Variants in RHOBTB1 observed in about 807,000 individuals in gnomAD.
RHOBTB1 encodes Rho related BTB domain containing 1, also known as rho-related BTB domain-containing protein 1.
In RHOBTB1, 40 loss-of-function variants were observed where a neutral mutation model predicts 71.6. The ratio of observed to expected loss-of-function variants is 0.56; its 90% confidence interval spans 0.43 to 0.73. RHOBTB1 has a LOEUF of 0.73. Among genes scored for constraint, RHOBTB1 ranks in the 30% least tolerant of loss-of-function variants. RHOBTB1 has a pLI of 0.00. For synonymous variants in RHOBTB1, 319 were observed against 334.9 expected, an observed-to-expected ratio of 0.95 and a Z score of 0.52; for missense variants, 797 against 894.0, an observed-to-expected ratio of 0.89 and a Z score of 1.38.
chr10:60,944,757 T>C (rs897440071), upstream of RHOBTB1, among the ~76,000 whole-genome samples: 1 of 152,206 alleles, frequency 6.6e-6, no homozygotes, highest in African/African-American at 2.4e-5. Context: ...GACTAAGGGC[T>C]GCATTAGCCC....
chr10:60,975,268 T>C (rs1265813505), intron 2 of RHOBTB1, among the ~76,000 whole-genome samples: 1 of 152,050 alleles, frequency 6.6e-6, no homozygotes, highest in Non-Finnish European at 1.5e-5. Context: ...CTGGTGTTTT[T>C]AGGCCATGAC....
intron 7 of RHOBTB1, among the ~76,000 whole-genome samples, chr10:60,884,890 G>A (rs903748152): frequency 6.6e-6 from 1 of 152,098 alleles, no homozygotes; most frequent in African/African-American, 2.4e-5. Context: ...TCACTTAGAT[G>A]GGAGGAATAA....
intron 2 of RHOBTB1, among the ~76,000 whole-genome samples, chr10:60,914,292 A>T (rs1396551101): frequency 6.6e-6 from 1 of 152,090 alleles, no homozygotes; most frequent in African/African-American, 2.4e-5. Context: ...TCAATTCCAG[A>T]ATAAAAATAG....
intron 7 of RHOBTB1, among the ~76,000 whole-genome samples, chr10:60,885,345 C>T (rs1397930711): frequency 2.6e-5 from 4 of 152,154 alleles, no homozygotes; most frequent in Non-Finnish European, 5.9e-5. Context: ...GACAAAGACA[C>T]AGGGTATCCA....
chr10:60,986,404 G>GATATATATATATGTATAT (rs2086661461), intron 1 of RHOBTB1, among the ~76,000 whole-genome samples: 1 of 67,636 alleles, frequency 1.5e-5, no homozygotes, highest in African/African-American at 4.0e-5. Flanking sequence ...ATAAATAAAA[G>GATATATATATATGTATAT]ATATATATAT....
At chr10:60,912,559 C>T (rs2083049060) in intron 2 of RHOBTB1, among the ~76,000 whole-genome samples, 1 of 152,050 alleles carries the variant, frequency 6.6e-6, no homozygotes, top group African/African-American at 2.4e-5. Flanking sequence ...TGAGGGCCCA[C>T]AATAAAGCAA....
the RHOBTB1 span, among the ~76,000 whole-genome samples, chr10:60,863,778 C>T: frequency 6.6e-6 from 1 of 152,130 alleles, no homozygotes; most frequent in South Asian, 2.1e-4. Context: ...AGTGATCCGC[C>T]CACCTCGGCC....
At chr10:60,939,653 A>G (rs2084794466) in intron 2 of RHOBTB1, among the ~76,000 whole-genome samples, 1 of 152,144 alleles carries the variant, frequency 6.6e-6, no homozygotes, top group Non-Finnish European at 1.5e-5. Flanking sequence ...ACCACATTCA[A>G]ATCACCTATG....
Position 60,889,202 on chromosome 10 carries a change from T to C in RHOBTB1, c.483-17A>G, listed in dbSNP as rs1451294698. The C allele has an allele frequency of 6.3e-7, 1 of 1,577,000 alleles. No homozygotes were observed. The highest frequency in any genetic ancestry group is 8.6e-7 in the Non-Finnish European group (1 of 1,166,090). ...TTTATGGGCCTGAAATAGAACATTT[T>C]AAAAATTATAATCAGCCTTGTTTTA... On this transcript the variant is annotated splice_polypyrimidine_tract_variant and intron_variant, in intron 5 of 10. Transcript: ENST00000337910.
chr10:60,972,981 G>A (rs1001789485), intron 2 of RHOBTB1, among the ~76,000 whole-genome samples: 19 of 151,910 alleles, frequency 1.3e-4, no homozygotes, highest in African/African-American at 4.6e-4. Context: ...GAAAAAATGG[G>A]GTTCATGAAT....
chr10:60,907,671 G>T (rs1451368279), intron 4 of RHOBTB1, among the ~76,000 whole-genome samples: 2 of 152,282 alleles, frequency 1.3e-5, no homozygotes, highest in East Asian at 3.9e-4. Context: ...ATAGATGGAT[G>T]ATTTCCCTTC....
At chr10:60,861,513 G>A in the RHOBTB1 span, among the ~76,000 whole-genome samples, 1 of 152,210 alleles carries the variant, frequency 6.6e-6, no homozygotes, top group East Asian at 1.9e-4. Context: ...GATTTCAATG[G>A]AATCTACCTC....
chr10:60,973,177 C>T (rs2086216693), intron 2 of RHOBTB1, among the ~76,000 whole-genome samples: 1 of 151,892 alleles, frequency 6.6e-6, no homozygotes, highest in Admixed American at 6.6e-5. Context: ...AAAATTACTT[C>T]TGAGAAAACA....
At chr10:60,961,299 T>C (rs138680245) in intron 2 of RHOBTB1, among the ~76,000 whole-genome samples, 2 of 152,148 alleles carry the variant, frequency 1.3e-5, no homozygotes, top group African/African-American at 4.8e-5. Context: ...TGGACACATC[T>C]GGATTAGAAC....
intron 2 of RHOBTB1, among the ~76,000 whole-genome samples, chr10:60,958,339 A>G (rs1363676533): frequency 2.6e-5 from 4 of 152,212 alleles, no homozygotes; most frequent in Non-Finnish European, 5.9e-5. Context: ...CTTCTGAGCC[A>G]ACCGTCTTGC....
intron 2 of RHOBTB1, among the ~76,000 whole-genome samples, chr10:60,932,937 G>T (rs2084345164): frequency 6.6e-6 from 1 of 152,218 alleles, no homozygotes; most frequent in African/African-American, 2.4e-5. Flanking sequence ...TTCTGAAGCA[G>T]CAGCGTGACC....
At chr10:60,939,786 A>C (rs970666825) in intron 2 of RHOBTB1, among the ~76,000 whole-genome samples, 3 of 152,196 alleles carry the variant, frequency 2.0e-5, no homozygotes, top group Admixed American at 2.0e-4. Context: ...CAGAATTTCA[A>C]ATGTTTCCAG....
At chr10:60,962,843 C>G (rs2085830377) in intron 2 of RHOBTB1, among the ~76,000 whole-genome samples, 1 of 152,162 alleles carries the variant, frequency 6.6e-6, no homozygotes, top group African/African-American at 2.4e-5. Flanking sequence ...AACCTGTACA[C>G]TGACAATACT....
chr10:60,944,592 C>G (rs890249623), upstream of RHOBTB1, among the ~76,000 whole-genome samples: 4 of 152,200 alleles, frequency 2.6e-5, no homozygotes, highest in African/African-American at 9.6e-5. Flanking sequence ...CCCACCCACT[C>G]CCGTGCCTTT....
Sources: allele counts gnomAD v4.1 joint callset (sites outside exome capture counted in the v4.1 genomes callset), GRCh38; gene constraint gnomAD v4.1.1; transcripts MANE v1.5; gene names NCBI Gene and HGNC (gene_info 2026-07-23, HGNC 2026-07-21).